Variants in LAMA3 observed in about 807,000 individuals in gnomAD.
LAMA3 encodes laminin subunit alpha 3, also known as laminin subunit alpha-3.
In LAMA3, 281 loss-of-function variants were observed where a neutral mutation model predicts 402.0. The observed-to-expected ratio is 0.70, with a 90% CI of 0.63 to 0.77. The LOEUF (loss-of-function observed/expected upper bound fraction) is 0.77, where lower values mean the gene tolerates loss of function less well. LAMA3 is among the 30% of genes least tolerant of loss of function. The pLI is 0.00. For synonymous variants in LAMA3, 1,431 were observed against 1,558.4 expected, an observed-to-expected ratio of 0.92 and a Z score of 1.93; for missense variants, 3,840 against 4,215.5, an observed-to-expected ratio of 0.91 and a Z score of 2.47.
intron 32 of LAMA3, among the ~76,000 whole-genome samples, chr18:23,854,939 C>G (rs916186833): frequency 6.7e-6 from 1 of 150,004 alleles, no homozygotes; most frequent in Non-Finnish European, 1.5e-5. Flanking sequence ...GAGCCGAGAT[C>G]GCGCCACTGC....
intron 12 of LAMA3, among the ~76,000 whole-genome samples, chr18:23,786,917 A>G (rs1399982408): frequency 6.6e-6 from 1 of 152,252 alleles, no homozygotes; most frequent in Non-Finnish European, 1.5e-5. Context: ...AGCAGAAGAA[A>G]GAATCAGCAA....
At chr18:23,781,205 G>A (rs1011756244) in intron 11 of LAMA3, 3 of 432,574 alleles carry the variant, frequency 6.9e-6, no homozygotes, top group South Asian at 3.3e-5. Context: ...TGTAATTCAC[G>A]GTAAAAACGT....
At chr18:23,880,522 A>G (rs2064861508) in intron 39 of LAMA3, among the ~76,000 whole-genome samples, 1 of 152,198 alleles carries the variant, frequency 6.6e-6, no homozygotes, top group South Asian at 2.1e-4. Flanking sequence ...TGAACAAGCC[A>G]TGTCTTCTTG....
At chr18:23,850,828 G>A (rs1218179332) in intron 32 of LAMA3, among the ~76,000 whole-genome samples, 3 of 152,242 alleles carry the variant, frequency 2.0e-5, no homozygotes, top group Admixed American at 6.5e-5. Flanking sequence ...TGTGTCAGAC[G>A]TGAGGAAGCT....
intron 1 of LAMA3, among the ~76,000 whole-genome samples, chr18:23,699,599 AT>A: frequency 6.6e-6 from 1 of 152,202 alleles, no homozygotes; most frequent in South Asian, 2.1e-4. Context: ...TCTTTCATAA[AT>A]CTAGGCTAAG....
At chr18:23,816,320 T>A (rs2063174394) in intron 17 of LAMA3, 68 bp from the exon 18 acceptor site, 7 of 1,215,876 alleles carry the variant, frequency 5.8e-6, no homozygotes, top group Non-Finnish European at 8.5e-6. Flanking sequence ...TCCTTTCTTG[T>A]ACAGCAGGGG....
chr18:23,914,480 G>A lies in LAMA3; in HGVS notation c.7400G>A (p.Arg2467His), dbSNP rs750404425. 5.3e-5 allele frequency: 86 copies of A among 1,613,986 alleles called. No homozygotes were observed. Among genetic ancestry groups the A allele is most frequent in the South Asian group, 3.2e-4 (29 of 91,078 alleles). The change falls in exon 57 of 75, where the codon CGT becomes CAT. Residue 2467 changes from arginine (R) to histidine (H), a missense_variant. Arg to His is a conservative substitution (Grantham distance 29). This residue lies in a region of LAMA3 where 891 missense variants were observed against 857.5 expected (regional missense o/e 1.04). Coordinates refer to ENST00000313654, the MANE Select transcript of LAMA3 (RefSeq NM_198129.4). The part of the protein sequence containing the change: ...QLTCVYNLGD[R>H]EAELQVDQIL... Reference sequence around the variant, plus strand: ...ACCTGTGTCTACAACCTGGGGGACCGTGAGGCTGAACTCCAAGTGGACCAG... The same window carrying A: ...ACCTGTGTCTACAACCTGGGGGACCATGAGGCTGAACTCCAAGTGGACCAG...
chr18:23,910,525 G>T (rs1436274870), intron 55 of LAMA3, among the ~76,000 whole-genome samples: 1 of 152,206 alleles, frequency 6.6e-6, no homozygotes, highest in Non-Finnish European at 1.5e-5. Context: ...AACTCAGGCT[G>T]CTCTCCAGCC....
At chr18:23,813,973 T>A (rs1187546783) in intron 14 of LAMA3, among the ~76,000 whole-genome samples, 3 of 152,210 alleles carry the variant, frequency 2.0e-5, no homozygotes, top group African/African-American at 7.2e-5. Flanking sequence ...TAAGCCTTGA[T>A]GACATTGATG....
At chr18:23,752,586 G>A (rs974193299) in intron 5 of LAMA3, among the ~76,000 whole-genome samples, 1 of 152,100 alleles carries the variant, frequency 6.6e-6, no homozygotes, top group Non-Finnish European at 1.5e-5. Flanking sequence ...CCCTTAATAC[G>A]TGTGGAGGGG....
intron 64 of LAMA3, 148 bp from the exon 65 acceptor site, chr18:23,930,914 A>T: frequency 1.4e-6 from 1 of 702,644 alleles, no homozygotes; most frequent in Non-Finnish European, 2.4e-6. Flanking sequence ...TGCAAAAAAT[A>T]ATCTTTAGAG....
chr18:23,856,801 C>G (rs1360586367), intron 32 of LAMA3, among the ~76,000 whole-genome samples: 2 of 152,152 alleles, frequency 1.3e-5, no homozygotes, highest in East Asian at 3.9e-4. Context: ...CTCTACTCCT[C>G]ATCCAGAATC....
chr18:23,914,476 G>C lies in LAMA3; in HGVS notation c.7396G>C (p.Asp2466His). Residue 2466 changes from aspartate (D) to histidine (H), a missense_variant, in exon 57 of 75, where the codon GAC (aspartate) becomes CAC (histidine). By Grantham distance (81) the Asp-to-His change is moderately conservative. Around this residue, in one of 3 missense-constraint regions of LAMA3, gnomAD observed 891 missense variants for 857.5 expected, o/e 1.04. Coordinates refer to ENST00000313654, the MANE Select transcript of LAMA3 (RefSeq NM_198129.4). ...GCTCACCTGTGTCTACAACCTGGGG[G>C]ACCGTGAGGCTGAACTCCAAGTGGA... ...GQLTCVYNLG[D>H]REAELQVDQI... 1 of 1,614,098 alleles carries C rather than the reference G, an allele frequency of 6.2e-7. No homozygotes were observed. Among genetic ancestry groups the C allele is most frequent in the Non-Finnish European group, 8.5e-7 (1 of 1,179,988 alleles).
At chr18:23,759,330 C>CA (rs34457452) in intron 7 of LAMA3, among the ~76,000 whole-genome samples, 2,672 of 112,552 alleles carry the variant, frequency 0.024, 36 homozygotes, top group Non-Finnish European at 0.033. Context: ...AAGATCCTGT[C>CA]AAAAAAAAAA....
At chr18:23,703,169 G>C (rs898683668) in intron 1 of LAMA3, among the ~76,000 whole-genome samples, 1 of 152,150 alleles carries the variant, frequency 6.6e-6, no homozygotes, top group African/African-American at 2.4e-5. Context: ...AAATTCTGAT[G>C]CCTAGCTCCC....
At chr18:23,877,821 A>G (rs1011452967) in intron 39 of LAMA3, among the ~76,000 whole-genome samples, 71 of 152,212 alleles carry the variant, frequency 4.7e-4, no homozygotes, top group Non-Finnish European at 1.5e-4. Flanking sequence ...AATTAAGAAT[A>G]AATACGTTGG....
chr18:23,694,278 G>A (rs2145810014), intron 1 of LAMA3, among the ~76,000 whole-genome samples: 1 of 152,350 alleles, frequency 6.6e-6, no homozygotes, highest in Middle Eastern at 3.4e-3. Flanking sequence ...GTGGGAAATA[G>A]AAGTGAGTTC....
chr18:23,866,310 G>A (rs1200713022), intron 36 of LAMA3, among the ~76,000 whole-genome samples: 1 of 152,202 alleles, frequency 6.6e-6, no homozygotes, highest in African/African-American at 2.4e-5. Flanking sequence ...TTAATGCGAT[G>A]TAATGATAGC....
intron 72 of LAMA3, among the ~76,000 whole-genome samples, chr18:23,950,601 G>C (rs1305274265): frequency 6.6e-6 from 1 of 152,084 alleles, no homozygotes; most frequent in Non-Finnish European, 1.5e-5. Context: ...CCACCACCCA[G>C]TTATATCTCT....
Sources: allele counts gnomAD v4.1 joint callset (sites outside exome capture counted in the v4.1 genomes callset), GRCh38; gene constraint gnomAD v4.1.1; regional missense constraint gnomAD v4.1.1; transcripts MANE v1.5; gene names NCBI Gene and HGNC (gene_info 2026-07-23, HGNC 2026-07-21).